The following KRT19 variants were observed in gnomAD, a reference collection of about 807,000 sequenced individuals.
KRT19 encodes the protein keratin, type I cytoskeletal 19.
KRT19 carries 21 observed loss-of-function variants against 34.6 expected under a neutral mutation model. The observed-to-expected ratio is 0.61, with a 90% CI of 0.43 to 0.87. KRT19 has a LOEUF of 0.87. Among genes scored for constraint, KRT19 ranks in the 40% least tolerant of loss-of-function variants. KRT19 has a pLI of 0.00. For missense variants in KRT19, 514 were observed against 545.7 expected (o/e 0.94, Z 0.58); for synonymous variants, 240 against 245.8 (o/e 0.98, Z 0.22).
intron 1 of KRT19, 181 bp from the exon 2 acceptor site, chr17:41,525,454 C>G (rs1204262450): frequency 1.7e-6 from 1 of 592,672 alleles, no homozygotes; most frequent in Non-Finnish European, 3.0e-6. Context: ...AGTCCATGCC[C>G]AGAAGCTGGG....
At chr17:41,524,589 G>A (rs746651802) in intron 3 of KRT19, 49 bp from the exon 4 acceptor site, 1 of 1,601,512 alleles carries the variant, frequency 6.2e-7, no homozygotes, top group Non-Finnish European at 8.6e-7. Flanking sequence ...GACCCCACTG[G>A]GCCTGGCCCA....
At chr17:41,527,440 T>C (rs916355728) in intron 1 of KRT19, among the ~76,000 whole-genome samples, 32 of 152,168 alleles carry the variant, frequency 2.1e-4, no homozygotes, top group African/African-American at 7.7e-4. Flanking sequence ...AGCCAAACTC[T>C]CGCATCTTCC....
rs769831706 is a variant in KRT19, at chr17:41,524,108, G to A, written c.948+35C>T. ...GGCTGCAAGGGTATAAGTGTGAATT[G>A]CACAGGGAAGCGGCGGCGGTGGGGG... is the stretch of plus-strand genomic sequence containing the variant. On this transcript the variant is annotated intron_variant, in intron 5 of 5. Transcript: ENST00000361566. The A allele has an allele frequency of 3.5e-5, 56 of 1,607,804 alleles. 1 individual carries two copies. In the East Asian group the frequency reaches 1.2e-3, roughly 35 times the overall value.
In KRT19 at chr17:41,524,539, T is replaced by C; in HGVS notation, c.662A>G (p.Glu221Gly). ...LAYLKKNHEE[E>G]ISTLRGQVGG... ...CACTTGGCCCCTCAGCGTACTGATT[T>C]CCTGTAAAGATACAGCAGAGATGGG... is the stretch of plus-strand genomic sequence containing the variant. Residue 221 changes from glutamate (E) to glycine (G), a missense_variant and splice_region_variant, in exon 4 of 6, where the codon GAA (glutamate) becomes GGA (glycine). Glu to Gly is a moderately conservative substitution (Grantham distance 98, BLOSUM62 -2). Coordinates refer to ENST00000361566, the MANE Select transcript of KRT19 (RefSeq NM_002276.5). 1 of 1,613,984 alleles carries C rather than the reference T, an allele frequency of 6.2e-7. No homozygotes were observed. The highest frequency in any genetic ancestry group is 8.5e-7 in the Non-Finnish European group (1 of 1,179,954).
At chr17:41,525,138 C>A (rs968743000) in intron 2 of KRT19, 53 bp downstream of exon 2, 3 of 1,571,338 alleles carry the variant, frequency 1.9e-6, no homozygotes, top group Non-Finnish European at 2.6e-6. Context: ...TCTAAACCCC[C>A]CAACCCCTAC....
chr17:41,524,456 G>A lies in KRT19; in HGVS notation c.745C>T (p.Leu249=). Residue 249 remains leucine (L), a synonymous_variant, in exon 4 of 6, where the codon CTG becomes TTG. Coordinates refer to ENST00000361566, the MANE Select transcript of KRT19 (RefSeq NM_002276.5). ...TCATATTGGCTTCGCATGTCACTCAGGATCTTGGCGAGATCGGTGCCCGGA... is the reference window on the plus strand; with the variant it reads ...TCATATTGGCTTCGCATGTCACTCAAGATCTTGGCGAGATCGGTGCCCGGA... ...SAPGTDLAKI[L]SDMRSQYEVM... is the part of the protein sequence containing the mutation. 1 of 1,614,168 alleles carries A rather than the reference G, an allele frequency of 6.2e-7. No homozygotes were observed. The highest frequency in any genetic ancestry group is 8.5e-7 in the Non-Finnish European group (1 of 1,180,034).
chr17:41,525,376 C>T, intron 1 of KRT19, 103 bp from the exon 2 acceptor site: 1 of 875,736 alleles, frequency 1.1e-6, no homozygotes, highest in Non-Finnish European at 1.9e-6. Flanking sequence ...TACCCCGGCA[C>T]CCTAGAGACC....
chr17:41,523,769 T>G lies in KRT19; in HGVS notation c.1177A>C (p.Asn393His). The stretch of plus-strand genomic sequence containing the variant: ...CAGAGGACCTTGGAGGCAGACAAAT[T>G]GTTGTAGTGATCTTCCTGTCCCTCG... ...LLEGQEDHYN[N>H]LSASKVL is the part of the protein sequence containing the mutation. Residue 393 changes from asparagine (N) to histidine (H), a missense_variant, in exon 6 of 6, where the codon AAT (asparagine) becomes CAT (histidine). Asn to His is a moderately conservative substitution (Grantham distance 68, BLOSUM62 1). Transcript: ENST00000361566. 1.2e-6 allele frequency: 2 copies of G among 1,613,688 alleles called. No homozygotes were observed. The highest frequency in any genetic ancestry group is 1.7e-6 in the Non-Finnish European group (2 of 1,179,878).
At chr17:41,527,719 C>T in intron 1 of KRT19, 109 bp downstream of exon 1, 5 of 1,234,074 alleles carry the variant, frequency 4.1e-6, no homozygotes, top group African/African-American at 1.5e-5. Flanking sequence ...GACCTTCCCA[C>T]GTCCTAACGG....
chr17:41,524,245 G>A lies in KRT19; in HGVS notation c.846C>T (p.Val282=), dbSNP rs756959968. The A allele has an allele frequency of 1.4e-5, 22 of 1,613,918 alleles. No individual in the cohort carries two copies. Among genetic ancestry groups the A allele is most frequent in the African/African-American group, 5.3e-5 (4 of 74,906 alleles). Residue 282 remains valine, a synonymous_variant, in exon 5 of 6, where the codon GTC becomes GTT. Coordinates refer to ENST00000361566, the MANE Select transcript of KRT19 (RefSeq NM_002276.5). The part of the protein sequence containing the change: ...TSRTEELNRE[V]AGHTEQLQMS... ...TCTGGAGCTGCTCCGTGTGGCCAGC[G>A]ACCTCCCGGTTCAATTCTTCAGTCT...
In KRT19 at chr17:41,525,186, C is replaced by G. The variant is rs377285438; in HGVS notation, c.503+5G>C. 3.1e-6 allele frequency: 5 copies of G among 1,611,118 alleles called. No individual in the cohort carries two copies. The highest frequency in any genetic ancestry group is 1.7e-6 in the Non-Finnish European group (2 of 1,177,388). On this transcript the variant is annotated splice_donor_5th_base_variant and intron_variant, in intron 2 of 5. Coordinates refer to ENST00000361566, the MANE Select transcript of KRT19 (RefSeq NM_002276.5). Reference sequence around the variant, plus strand: ...TTCTGCAGCCCCCAGGACAGAGACACTCACTTGGTTCGGAAGTCATCTGCA... The same window carrying G: ...TTCTGCAGCCCCCAGGACAGAGACAGTCACTTGGTTCGGAAGTCATCTGCA...
intron 1 of KRT19, 81 bp downstream of exon 1, chr17:41,527,747 C>A (rs1905917598): frequency 1.4e-5 from 20 of 1,459,948 alleles, no homozygotes; most frequent in Non-Finnish European, 1.8e-5. Flanking sequence ...CCCGCCGCCC[C>A]GCCTGGAACC....
chr17:41,528,163 C>A lies in KRT19; in HGVS notation c.85G>T (p.Val29Phe), dbSNP rs778401116. 6 of 1,592,328 alleles carry A rather than the reference C, an allele frequency of 3.8e-6. No homozygotes were observed. Among genetic ancestry groups the A allele is most frequent in the South Asian group, 1.1e-5 (1 of 89,922 alleles). The stretch of plus-strand genomic sequence containing the variant: ...TGAATGCTGGGCGCGCGAAAGGCGA[C>A]CCCCGGCCCAAAACGCACGGAGCCG... The part of the protein sequence containing the change: ...GGGSVRFGPG[V>F]AFRAPSIHGG... The change falls in exon 1 of 6, where the codon GTC becomes TTC. Residue 29 changes from valine (V) to phenylalanine (F), a missense_variant. Coordinates refer to ENST00000361566, the MANE Select transcript of KRT19 (RefSeq NM_002276.5).
intron 1 of KRT19, 181 bp from the exon 2 acceptor site, chr17:41,525,454 C>A: frequency 1.7e-6 from 1 of 592,790 alleles, no homozygotes. Context: ...AGTCCATGCC[C>A]AGAAGCTGGG....
intron 4 of KRT19, 22 bp downstream of exon 4, chr17:41,524,357 G>T (rs1204874277): frequency 3.7e-6 from 6 of 1,613,600 alleles, no homozygotes; most frequent in Non-Finnish European, 4.2e-6. Flanking sequence ...CCCCCAAAGG[G>T]TGCCTGCTTC....
At chr17:41,524,659 T>A in intron 3 of KRT19, 119 bp from the exon 4 acceptor site, 1 of 1,274,936 alleles carries the variant, frequency 7.8e-7, no homozygotes, top group Non-Finnish European at 1.1e-6. Context: ...GCCTAGTAAC[T>A]AGCACTGGGG....
rs1174290228 is a variant in KRT19 at position 41,524,388 on chromosome 17, GA to G, written c.812del (p.Phe271SerfsTer8). 4 of 1,613,998 alleles carry G rather than the reference GA, an allele frequency of 2.5e-6. No individual in the cohort carries two copies. Among genetic ancestry groups the G allele is most frequent in the Non-Finnish European group, 1.7e-6 (2 of 1,180,006 alleles). On this transcript the variant is annotated frameshift_variant, in exon 4 of 6. Coordinates refer to ENST00000361566, the MANE Select transcript of KRT19 (RefSeq NM_002276.5). LOFTEE classifies it high-confidence loss of function. ...GCTTCCCTCTACCTACCCGGCTGGT[GA>G]ACCAGGCTTCAGCATCCTTCCGGTT... The part of the protein sequence containing the change: ...EQNRKDAEAW[F>X]TSRTEELNRE...
Position 41,524,202 on chromosome 17 carries a change from T to C in KRT19, c.889A>G (p.Thr297Ala). 6.2e-7 allele frequency: 1 copy of C among 1,614,122 alleles called. No homozygotes were observed. The highest frequency in any genetic ancestry group is 8.5e-7 in the Non-Finnish European group (1 of 1,180,006). Reference sequence around the variant, plus strand: ...CCCTGAAGGGTGCGCCGCAGGTCAGTAACCTCGGACCTGCTCATCTGGAGC... The same window carrying C: ...CCCTGAAGGGTGCGCCGCAGGTCAGCAACCTCGGACCTGCTCATCTGGAGC... ...EQLQMSRSEV[T>A]DLRRTLQGLE... The change falls in exon 5 of 6, where the codon ACT becomes GCT. Residue 297 changes from threonine (T) to alanine (A), a missense_variant. Physicochemically the swap from Thr to Ala is moderately conservative, Grantham distance 58 (BLOSUM62 0). Coordinates refer to ENST00000361566, the MANE Select transcript of KRT19 (RefSeq NM_002276.5).
rs60030898 is a variant in KRT19, at chr17:41,526,562, C to CTTTTTTT, written c.420+1259_420+1265dup. Among the ~76,000 whole-genome samples the CTTTTTTT allele has an allele frequency of 4.0e-4, 29 of 72,194 alleles. 3 individuals carry two copies. The highest frequency in any genetic ancestry group is 1.2e-3 in the Admixed American group (5 of 4,018). The allele number at this position is 72,194 out of a possible 152,430, so 47.4% of individuals were successfully genotyped here. On this transcript the variant is annotated intron_variant, in intron 1 of 5. Transcript: ENST00000361566. ...ACACGCCACCATGCCAAGCTAATTC[C>CTTTTTTT]TTTTTTTTTTTTTTTTTTTTTTTTT...
Sources: gnomAD v4.1 joint callset for allele counts (sites outside exome capture counted in the v4.1 genomes callset) on GRCh38, gnomAD v4.1.1 for gene constraint, MANE v1.5 for transcripts, NCBI Gene and HGNC (gene_info 2026-07-23, HGNC 2026-07-21) for gene names.